Variants in PRDM15 observed in about 807,000 individuals in gnomAD.
PRDM15 encodes the protein PR domain zinc finger protein 15.
Under a neutral mutation model 128.6 loss-of-function variants are expected in PRDM15, and 64 were observed. The observed-to-expected ratio is 0.50, with a 90% CI of 0.41 to 0.61. The LOEUF (loss-of-function observed/expected upper bound fraction) is 0.61. Among genes scored for constraint, PRDM15 ranks in the 20% least tolerant of loss-of-function variants. The probability of loss-of-function intolerance (pLI) is 0.00; values close to 1 mark genes in which losing one functional copy is unlikely to be tolerated. For synonymous variants in PRDM15, 615 were observed against 621.8 expected (o/e 0.99, Z 0.16); for missense variants, 1,242 against 1,569.1 (o/e 0.79, Z 3.52).
At chr21:41,877,809 C>T (rs11908779) in intron 1 of PRDM15, among the ~76,000 whole-genome samples, 32,554 of 152,232 alleles carry the variant, frequency 0.21, 3,711 homozygotes, top group African/African-American at 0.3. Flanking sequence ...GAACATTTAG[C>T]TTGTTCTTTG....
intron 3 of PRDM15, among the ~76,000 whole-genome samples, chr21:41,858,335 C>T (rs1452602589): frequency 6.6e-6 from 1 of 152,010 alleles, no homozygotes; most frequent in Non-Finnish European, 1.5e-5. Context: ...ACATTGGGTC[C>T]CCAGAGCACA....
chr21:41,801,084 T>G lies in PRDM15; in HGVS notation c.*156A>C, dbSNP rs1245556806. ...CTAGAGTTAAGCTGACAGACCGTAA[T>G]GGTTGCTGGCGGGGGATCTGGAGAT... On this transcript the variant is annotated 3_prime_UTR_variant, in exon 24 of 24. Coordinates refer to ENST00000398548, the MANE Select transcript of PRDM15 (RefSeq NM_001040424.3). The G allele has an allele frequency of 3.7e-6, 4 of 1,087,168 alleles. No individual in the cohort carries two copies. Among genetic ancestry groups the G allele is most frequent in the Non-Finnish European group, 5.2e-6 (4 of 772,272 alleles). 67.3% of individuals were successfully genotyped at this position (1,087,168 alleles called of 1,614,324 possible). A position where few individuals can be genotyped will look rare whatever the true frequency, so the allele number is the denominator to read the frequency against.
chr21:41,844,024 C>G (rs1453875766), intron 6 of PRDM15, among the ~76,000 whole-genome samples: 1 of 151,334 alleles, frequency 6.6e-6, no homozygotes, highest in African/African-American at 2.4e-5. Context: ...TGGAAGTTAC[C>G]CAACTTGAAA....
rs1178867000 is a variant in PRDM15 at position 41,821,485 on chromosome 21, AG to A, written c.1897-256del. ...TTTTTGGAGAGCCCCTTCCATGCAC[AG>A]GGGAGGCCTCGTGAGGGCTTCAGGC... is the stretch of plus-strand genomic sequence containing the variant. On this transcript the variant is annotated intron_variant, in intron 15 of 23. Coordinates refer to ENST00000398548, the MANE Select transcript of PRDM15 (RefSeq NM_001040424.3). The surrounding 1 kb of genome is among the most constrained non-coding windows in gnomAD (Gnocchi z 5.4). Among the ~76,000 whole-genome samples, 6 of 151,974 alleles carry A rather than the reference AG, an allele frequency of 3.9e-5. No individual in the cohort carries two copies. Among genetic ancestry groups the A allele is most frequent in the Non-Finnish European group, 5.9e-5 (4 of 67,980 alleles).
chr21:41,817,500 G>C (rs2062094101), intron 18 of PRDM15, among the ~76,000 whole-genome samples: 1 of 152,122 alleles, frequency 6.6e-6, no homozygotes, highest in Admixed American at 6.5e-5. Context: ...CCTGGTCAGG[G>C]CTAGAATTTC....
chr21:41,810,301 GCA>G lies in PRDM15; in HGVS notation c.2503_2504del (p.Cys835ArgfsTer57). 1 of 1,613,296 alleles carries G rather than the reference GCA, an allele frequency of 6.2e-7. No homozygotes were observed. Among genetic ancestry groups the G allele is most frequent in the South Asian group, 1.1e-5 (1 of 90,952 alleles). On this transcript the variant is annotated frameshift_variant, in exon 21 of 24. Transcript: ENST00000398548. LOFTEE classifies it high-confidence loss of function. This position sits in a 1 kb window ranked among gnomAD's most constrained non-coding sequence, Gnocchi z 6.4. ...TGTACTCGGTCACGTACTTCTTGTC[GCA>G]CACGGAGCACGTCCACTGCTTGCCC... is the stretch of plus-strand genomic sequence containing the variant. The part of the protein sequence containing the change: ...TVGKQWTCSV[C>X]DKKYVTEYML...
intron 5 of PRDM15, among the ~76,000 whole-genome samples, chr21:41,853,027 T>C (rs1341312343): frequency 1.3e-5 from 2 of 152,110 alleles, no homozygotes; most frequent in Non-Finnish European, 2.9e-5. Context: ...CCACCAGAGG[T>C]TGGGGAGAGT....
intron 1 of PRDM15, among the ~76,000 whole-genome samples, chr21:41,873,581 G>A (rs540456174): frequency 6.6e-6 from 1 of 152,284 alleles, no homozygotes; most frequent in South Asian, 2.1e-4. Context: ...TGCACTGACT[G>A]GGCCTTCAAC....
chr21:41,808,999 C>T (rs1446817128), intron 21 of PRDM15, among the ~76,000 whole-genome samples: 4 of 152,214 alleles, frequency 2.6e-5, no homozygotes, highest in East Asian at 1.9e-4. Context: ...TAAAACCCCC[C>T]GCCCCCGCAA....
intron 5 of PRDM15, among the ~76,000 whole-genome samples, chr21:41,851,298 T>C (rs2063421028): frequency 6.6e-6 from 1 of 152,232 alleles, no homozygotes; most frequent in Non-Finnish European, 1.5e-5. Flanking sequence ...GCTTTCTGGA[T>C]GTTTCTAGCC....
chr21:41,853,642 G>A (rs544500469), intron 5 of PRDM15, among the ~76,000 whole-genome samples: 4 of 152,348 alleles, frequency 2.6e-5, no homozygotes, highest in Non-Finnish European at 4.4e-5. Flanking sequence ...CGCTTGATGG[G>A]CAAAGTGATG....
At chr21:41,849,633 A>C (rs2063367611) in intron 5 of PRDM15, among the ~76,000 whole-genome samples, 1 of 151,990 alleles carries the variant, frequency 6.6e-6, no homozygotes, top group Non-Finnish European at 1.5e-5. Context: ...ATATGTCATC[A>C]GTGCTGGTTT....
intron 6 of PRDM15, among the ~76,000 whole-genome samples, chr21:41,844,245 CG>C (rs965275374): frequency 6.6e-6 from 1 of 152,000 alleles, no homozygotes; most frequent in African/African-American, 2.4e-5. Flanking sequence ...GTGCAGAACC[CG>C]TCTGTCATGT....
At chr21:41,805,380 G>C (rs1319618070) in intron 21 of PRDM15, among the ~76,000 whole-genome samples, 2 of 152,170 alleles carry the variant, frequency 1.3e-5, no homozygotes, top group African/African-American at 2.4e-5. Context: ...CACCCAAACA[G>C]CTTTGCAAAC....
intron 14 of PRDM15, 29 bp downstream of exon 14, chr21:41,823,289 C>A (rs1055980630): frequency 6.2e-7 from 1 of 1,603,734 alleles, no homozygotes; most frequent in South Asian, 1.1e-5. Context: ...CGTGAGCATG[C>A]CTGGGTGAGG....
intron 22 of PRDM15, among the ~76,000 whole-genome samples, chr21:41,803,877 T>G (rs575271858): frequency 6.6e-6 from 1 of 152,192 alleles, no homozygotes; most frequent in African/African-American, 2.4e-5. Flanking sequence ...AAGTTTAGTA[T>G]TAACTAAAAA....
At chr21:41,827,750 A>G (rs2062519933) in intron 12 of PRDM15, among the ~76,000 whole-genome samples, 1 of 152,216 alleles carries the variant, frequency 6.6e-6, no homozygotes, top group Admixed American at 6.5e-5. Context: ...GAAAAGGTGT[A>G]TGAAGGGCTG....
Position 41,861,318 on chromosome 21 carries a change from G to T in PRDM15, c.-9-946C>A, listed in dbSNP as rs545279556. ...ATTCTATTCCCTATCCATCCTTGAGGTTCACCTCCAGAAACACTTGCATAG... is the reference window on the plus strand; with the variant it reads ...ATTCTATTCCCTATCCATCCTTGAGTTTCACCTCCAGAAACACTTGCATAG... On this transcript the variant is annotated intron_variant, in intron 1 of 23. Transcript: ENST00000398548. Among the ~76,000 whole-genome samples the T allele has an allele frequency of 1.2e-4, 18 of 152,240 alleles. No individual in the cohort carries two copies. The East Asian group carries it at 3.5e-3, about 29-fold the overall frequency.
rs779211768 is a variant in PRDM15 at position 41,836,132 on chromosome 21, T to C, written c.1259A>G (p.Tyr420Cys). 6.2e-7 allele frequency: 1 copy of C among 1,613,790 alleles called. No individual in the cohort carries two copies. The highest frequency in any genetic ancestry group is 1.1e-5 in the South Asian group (1 of 91,068). Residue 420 changes from tyrosine to cysteine, a missense_variant, in exon 10 of 24, where the codon TAC (tyrosine) becomes TGC (cysteine). By Grantham distance (194) the Tyr-to-Cys change is radical. Around this residue, in one of 3 missense-constraint regions of PRDM15, gnomAD observed 612 missense variants for 717.0 expected, o/e 0.85. Transcript: ENST00000398548. ...RKESLKQHVS[Y>C]KHSRNEVDGE... ...ACCCACCTCGTTCCTGCTGTGCTTG[T>C]AGGAAACGTGCTGCTTTAGGCTCTC... is the stretch of plus-strand genomic sequence containing the variant.
Sources: gnomAD v4.1 joint callset for allele counts (sites outside exome capture counted in the v4.1 genomes callset) on GRCh38, gnomAD v4.1.1 for gene constraint, gnomAD v4.1.1 regional missense constraint, Gnocchi (gnomAD v3.1) non-coding constraint, MANE v1.5 for transcripts, NCBI Gene and HGNC (gene_info 2026-07-23, HGNC 2026-07-21) for gene names.